The following SLC22A8 variants were observed in gnomAD, a reference collection of about 807,000 sequenced individuals.
SLC22A8 encodes the protein organic anion transporter 3.
SLC22A8 carries 40 observed loss-of-function variants against 48.4 expected under a neutral mutation model. The ratio of observed to expected loss-of-function variants is 0.83; its 90% confidence interval spans 0.64 to 1.08. The LOEUF (loss-of-function observed/expected upper bound fraction) is 1.08, where lower values mean the gene tolerates loss of function less well. Ranked by LOEUF, SLC22A8 falls within the 50% of genes least tolerant of loss-of-function variation. The pLI is 0.00. For missense variants in SLC22A8, 606 were observed against 699.0 expected (o/e 0.87, Z 1.50); for synonymous variants, 268 against 286.3 (o/e 0.94, Z 0.65).
At chr11:63,000,919 C>T in intron 2 of SLC22A8, 96 bp from the exon 3 acceptor site, 2 of 921,026 alleles carry the variant, frequency 2.2e-6, no homozygotes, top group Non-Finnish European at 3.5e-6. Context: ...CTTCCTCTCC[C>T]AGCGCCCTGA....
chr11:63,006,588 CATTTGAGTTTTTTTT>C (rs2086556862), intron 2 of SLC22A8, among the ~76,000 whole-genome samples: 1 of 89,212 alleles, frequency 1.1e-5, no homozygotes, highest in Admixed American at 1.1e-4. Context: ...GAGAATGTCT[CATTTGAGTTTTTTTT>C]TTTTTTTTTT....
chr11:62,997,733 G>A (rs1339056645), intron 5 of SLC22A8, among the ~76,000 whole-genome samples: 1 of 152,146 alleles, frequency 6.6e-6, no homozygotes, highest in Non-Finnish European at 1.5e-5. Flanking sequence ...ATCTTTTTGT[G>A]TAACTTTGAG....
chr11:63,000,621 C>T (rs2086481708), intron 3 of SLC22A8, 99 bp downstream of exon 3: 2 of 819,606 alleles, frequency 2.4e-6, no homozygotes, highest in Admixed American at 4.0e-5. Flanking sequence ...CCCACCCTCC[C>T]CCAGCTCTTT....
intron 2 of SLC22A8, among the ~76,000 whole-genome samples, chr11:63,009,503 C>A (rs963398795): frequency 2.0e-5 from 3 of 152,216 alleles, no homozygotes; most frequent in African/African-American, 7.2e-5. Flanking sequence ...GGCCCTGAGG[C>A]CCACAAGCTG....
intron 1 of SLC22A8, among the ~76,000 whole-genome samples, chr11:63,015,295 G>A (rs915460625): frequency 3.3e-4 from 50 of 152,340 alleles, no homozygotes; most frequent in African/African-American, 1.2e-3. Context: ...ACACAGCTGC[G>A]TGAGCTCGGG....
At chr11:63,001,006 G>C (rs1337920300) in intron 2 of SLC22A8, 183 bp from the exon 3 acceptor site, 4 of 579,550 alleles carry the variant, frequency 6.9e-6, no homozygotes, top group East Asian at 6.0e-5. Flanking sequence ...GTGGCTCTTC[G>C]GCCCCTGACC....
At chr11:63,009,119 A>C (rs1279566629) in intron 2 of SLC22A8, among the ~76,000 whole-genome samples, 1 of 152,080 alleles carries the variant, frequency 6.6e-6, no homozygotes, top group Non-Finnish European at 1.5e-5. Context: ...AGGCGAGGAA[A>C]GAGATGGAGG....
chr11:63,011,163 A>G (rs1014771378), intron 2 of SLC22A8, among the ~76,000 whole-genome samples: 1 of 152,212 alleles, frequency 6.6e-6, no homozygotes, highest in African/African-American at 2.4e-5. Context: ...CCTGAGGAGC[A>G]TAGGCTCTGG....
At chr11:62,997,352 G>A (rs1460267789) in intron 5 of SLC22A8, among the ~76,000 whole-genome samples, 1 of 152,108 alleles carries the variant, frequency 6.6e-6, no homozygotes, top group East Asian at 1.9e-4. Context: ...AGCCTCCCAA[G>A]TAGCTGGGAT....
Position 62,994,651 on chromosome 11 carries a change from G to GAA in SLC22A8, c.1106_1107insTT (p.Lys370SerfsTer9). 5 of 1,614,198 alleles carry GAA rather than the reference G, an allele frequency of 3.1e-6. No individual in the cohort carries two copies. In the South Asian group the frequency reaches 5.5e-5, roughly 18 times the overall value. ...TTAAGGAGAGGATGGTGATGAACTT[G>GAA]GCTGGGACATCGACCCCACCAAAGA... On this transcript the variant is annotated frameshift_variant, in exon 8 of 11. Transcript: ENST00000336232. LOFTEE classifies it high-confidence loss of function.
intron 2 of SLC22A8, among the ~76,000 whole-genome samples, chr11:63,001,516 C>T (rs1309175828): frequency 2.0e-5 from 3 of 152,202 alleles, no homozygotes; most frequent in East Asian, 1.9e-4. Flanking sequence ...CGTCCCTAAT[C>T]CTGGCCTGGC....
At chr11:63,014,280 C>T (rs2086649686) in intron 2 of SLC22A8, among the ~76,000 whole-genome samples, 1 of 151,996 alleles carries the variant, frequency 6.6e-6, no homozygotes, top group Admixed American at 6.5e-5. Flanking sequence ...TGCAATTTTA[C>T]ACTTATTTGT....
rs2086410346 is a variant in SLC22A8, at chr11:62,995,799, C to T, written c.906G>A (p.Gln302=). ...LSLEELKLNL[Q]KEISLAKAKY... Reference sequence around the variant, plus strand: ...TGGCCTTGGCCAAGGAGATCTCCTTCTGCAGGTTGAGTTTGAGCTCCTTCG... The same window carrying T: ...TGGCCTTGGCCAAGGAGATCTCCTTTTGCAGGTTGAGTTTGAGCTCCTTCG... Residue 302 remains glutamine, a synonymous_variant, in exon 7 of 11, where the codon CAG becomes CAA. Coordinates refer to ENST00000336232, the MANE Select transcript of SLC22A8 (RefSeq NM_004254.4). 2 of 1,613,874 alleles carry T rather than the reference C, an allele frequency of 1.2e-6. No homozygotes were observed. The highest frequency in any genetic ancestry group is 8.5e-7 in the Non-Finnish European group (1 of 1,179,898).
intron 2 of SLC22A8, among the ~76,000 whole-genome samples, chr11:63,013,299 C>G (rs2086639317): frequency 6.6e-6 from 1 of 152,150 alleles, no homozygotes; most frequent in Non-Finnish European, 1.5e-5. Flanking sequence ...ATGGGAAGGT[C>G]ATGGAATCAA....
At chr11:63,002,085 T>A (rs1251716309) in intron 2 of SLC22A8, among the ~76,000 whole-genome samples, 2 of 152,032 alleles carry the variant, frequency 1.3e-5, no homozygotes, top group Non-Finnish European at 2.9e-5. Flanking sequence ...TAATTTTGGA[T>A]TTTGTATATA....
Position 62,994,597 on chromosome 11 carries a change from G to C in SLC22A8, c.1161C>G (p.Ala387=), listed in dbSNP as rs372282335. 5.0e-6 allele frequency: 8 copies of C among 1,613,858 alleles called. No homozygotes were observed. The highest frequency in any genetic ancestry group is 5.9e-6 in the Non-Finnish European group (7 of 1,179,964). Reference sequence around the variant, plus strand: ...CCCCTCCTGCCAGGAGCAGGGCAGCGGCCTGAGTGGTATGCCGGCCCAGGT... The same window carrying C: ...CCCCTCCTGCCAGGAGCAGGGCAGCCGCCTGAGTGGTATGCCGGCCCAGGT... ...LSYLGRHTTQ[A]AALLLAGGAI... is the part of the protein sequence containing the mutation. Residue 387 remains alanine (A), a synonymous_variant, in exon 8 of 11, where the codon GCC becomes GCG. Coordinates refer to ENST00000336232, the MANE Select transcript of SLC22A8 (RefSeq NM_004254.4).
intron 7 of SLC22A8, 192 bp from the exon 8 acceptor site, chr11:62,994,948 G>A: frequency 1.6e-6 from 1 of 627,044 alleles, no homozygotes. Context: ...TGCTGTGATT[G>A]ACTGGTCATG....
chr11:63,002,822 G>C (rs1347173207), intron 2 of SLC22A8, among the ~76,000 whole-genome samples: 1 of 152,154 alleles, frequency 6.6e-6, no homozygotes, highest in Non-Finnish European at 1.5e-5. Context: ...TAGGTACTGG[G>C]CACTGTTCTA....
intron 2 of SLC22A8, among the ~76,000 whole-genome samples, chr11:63,006,718 C>T (rs1054165075): frequency 2.7e-5 from 4 of 145,628 alleles, no homozygotes; most frequent in African/African-American, 1.0e-4. Flanking sequence ...AGTGATTCTC[C>T]TGCATCAGCC....
Sources: gnomAD v4.1 joint callset for allele counts (sites outside exome capture counted in the v4.1 genomes callset) on GRCh38, gnomAD v4.1.1 for gene constraint, MANE v1.5 for transcripts, NCBI Gene and HGNC (gene_info 2026-07-23, HGNC 2026-07-21) for gene names.